AASS: variants seen among roughly 807,000 people sequenced by gnomAD.
The protein encoded by AASS is aminoadipate-semialdehyde synthase, also known as alpha-aminoadipic semialdehyde synthase, mitochondrial.
Under a neutral mutation model 105.4 loss-of-function variants are expected in AASS, and 86 were observed. That is an observed-to-expected ratio of 0.82 (90% CI 0.69 to 0.98). The LOEUF (loss-of-function observed/expected upper bound fraction) is 0.98, where lower values mean the gene tolerates loss of function less well. Ranked by LOEUF, AASS falls within the 50% of genes least tolerant of loss-of-function variation. The pLI is 0.00. For synonymous variants in AASS, 381 were observed against 394.8 expected, an observed-to-expected ratio of 0.96 and a Z score of 0.41; for missense variants, 1,048 against 1,143.2, an observed-to-expected ratio of 0.92 and a Z score of 1.20.
chr7:122,118,271 G>T (rs779685589), intron 6 of AASS, 36 bp downstream of exon 6: 2 of 1,611,482 alleles, frequency 1.2e-6, no homozygotes, highest in East Asian at 2.2e-5. Context: ...TCAAAGTTTT[G>T]GATTGTTTTA....
chr7:122,081,737 T>C (rs902824198), intron 19 of AASS, 142 bp from the exon 20 acceptor site: 12 of 647,322 alleles, frequency 1.9e-5, no homozygotes, highest in Non-Finnish European at 2.7e-5. Flanking sequence ...ACAGCTCTTC[T>C]AGAATTTGCC....
rs557403660 is a variant in AASS at position 122,092,244 on chromosome 7, G to A, written c.1876-401C>T. 9.4e-4 allele frequency among the ~76,000 whole-genome samples: 142 copies of A among 151,604 alleles called. 1 individual carries two copies. The highest frequency in any genetic ancestry group is 3.2e-3 in the African/African-American group (132 of 41,358). On this transcript the variant is annotated intron_variant, in intron 17 of 23. Coordinates refer to ENST00000417368, the MANE Select transcript of AASS (RefSeq NM_005763.4). ...TCCCATTTACACCCAATAGTACCTC[G>A]CCAAAGGTACTATTTCATAAAAGAT... is the stretch of plus-strand genomic sequence containing the variant.
intron 11 of AASS, among the ~76,000 whole-genome samples, chr7:122,103,871 GT>G (rs1392302390): frequency 6.6e-6 from 1 of 151,940 alleles, no homozygotes; most frequent in African/African-American, 2.4e-5. Flanking sequence ...CTGAATTTAA[GT>G]TGTTATTAGT....
intron 1 of AASS, among the ~76,000 whole-genome samples, chr7:122,137,961 A>T (rs1796229213): frequency 6.6e-6 from 1 of 152,138 alleles, no homozygotes; most frequent in South Asian, 2.1e-4. Flanking sequence ...GGAGGCAGAG[A>T]GGGGGAAAAA....
At chr7:122,114,335 C>T (rs564761309) in intron 9 of AASS, among the ~76,000 whole-genome samples, 1 of 152,300 alleles carries the variant, frequency 6.6e-6, no homozygotes, top group South Asian at 2.1e-4. Flanking sequence ...TTGCTGCGCC[C>T]AATGCTTCTG....
intron 8 of AASS, among the ~76,000 whole-genome samples, chr7:122,116,082 G>A (rs75366513): frequency 0.021 from 3,262 of 152,186 alleles, 126 homozygotes; most frequent in African/African-American, 0.074. Flanking sequence ...AATGACTATA[G>A]AGCACACAAA....
chr7:122,119,774 C>A (rs1245793266), intron 4 of AASS, among the ~76,000 whole-genome samples: 3 of 152,156 alleles, frequency 2.0e-5, no homozygotes, highest in East Asian at 1.9e-4. Context: ...CTTTCTCTCT[C>A]TATAGATTAA....
At chr7:122,133,136 C>T (rs1255020883) in intron 2 of AASS, among the ~76,000 whole-genome samples, 2 of 151,932 alleles carry the variant, frequency 1.3e-5, no homozygotes, top group Non-Finnish European at 2.9e-5. Context: ...ATGTATATTG[C>T]TAAAATAGGA....
At chr7:122,098,626 T>C (rs1794282040) in intron 14 of AASS, 50 bp from the exon 15 acceptor site, 1 of 1,586,228 alleles carries the variant, frequency 6.3e-7, no homozygotes, top group African/African-American at 1.4e-5. Flanking sequence ...GAGTAAAATA[T>C]ATTTTAACAT....
intron 22 of AASS, 81 bp from the exon 23 acceptor site, chr7:122,078,095 G>A (rs905214344): frequency 7.3e-7 from 1 of 1,378,444 alleles, no homozygotes; most frequent in South Asian, 1.2e-5. Flanking sequence ...TGCCCTTCTG[G>A]TCTTAAAAGT....
chr7:122,111,764 G>A lies in AASS; in HGVS notation c.1278+1354C>T, dbSNP rs895279805. On this transcript the variant is annotated intron_variant, in intron 11 of 23. Transcript: ENST00000417368. ...TAAAAACTACAAAAATTAGCCAGGC[G>A]TGGTGGCACACACCTGTGGTCCTGG... 7.2e-5 allele frequency among the ~76,000 whole-genome samples: 11 copies of A among 152,030 alleles called. 1 individual carries two copies. Among genetic ancestry groups the A allele is most frequent in the South Asian group, 6.2e-4 (3 of 4,814 alleles).
In AASS at chr7:122,074,397, C is replaced by T. The variant is rs1212231081; in HGVS notation, c.*2092G>A. Among the ~76,000 whole-genome samples the T allele has an allele frequency of 6.6e-6, 1 of 152,116 alleles. No individual in the cohort carries two copies. Among genetic ancestry groups the T allele is most frequent in the Non-Finnish European group, 1.5e-5 (1 of 68,014 alleles). On this transcript the variant is annotated 3_prime_UTR_variant, in exon 24 of 24. Transcript: ENST00000417368. ...ATACAAATTCCTCCCTTAACTAATA[C>T]ATGATTTTAAAAAAAATTATCTCAT...
At chr7:122,101,182 T>A (rs1271090188) in intron 13 of AASS, among the ~76,000 whole-genome samples, 189 bp downstream of exon 13, 1 of 151,900 alleles carries the variant, frequency 6.6e-6, no homozygotes, top group African/African-American at 2.4e-5. Context: ...ATACTACTGT[T>A]AAGTGGGAAA....
rs759258946 is a variant in AASS, at chr7:122,116,647, G to A, written c.880C>T (p.Arg294Cys). 3.1e-6 allele frequency: 5 copies of A among 1,613,932 alleles called. No homozygotes were observed. The highest frequency in any genetic ancestry group is 1.1e-5 in the South Asian group (1 of 91,054). Residue 294 changes from arginine to cysteine, a missense_variant, in exon 8 of 24, where the codon CGT (arginine) becomes TGT (cysteine). Transcript: ENST00000417368. Reference sequence around the variant, plus strand: ...ATGATACTCACATCAGTATTAAAACGACTTATGTAGCGCTCCGGATGTTTG... The same window carrying A: ...ATGATACTCACATCAGTATTAAAACAACTTATGTAGCGCTCCGGATGTTTG... ...YDKHPERYIS[R>C]FNTDIAPYTT...
intron 11 of AASS, among the ~76,000 whole-genome samples, chr7:122,108,620 C>T (rs1794781950): frequency 1.3e-5 from 2 of 151,988 alleles, no homozygotes; most frequent in Admixed American, 6.6e-5. Flanking sequence ...ACAAATTCAA[C>T]ATCACCTTAT....
chr7:122,114,227 A>T (rs1184513429), intron 9 of AASS, among the ~76,000 whole-genome samples: 1 of 152,318 alleles, frequency 6.6e-6, no homozygotes, highest in South Asian at 2.1e-4. Flanking sequence ...CTAGACTGAC[A>T]CATTCAGCAC....
intron 10 of AASS, 130 bp from the exon 11 acceptor site, chr7:122,113,359 TAAAC>T (rs755246068): frequency 8.9e-5 from 92 of 1,031,936 alleles, no homozygotes; most frequent in Non-Finnish European, 1.2e-4. Context: ...TACGCGAAAA[TAAAC>T]AAAACTTTTC....
At chr7:122,119,286 C>T (rs1299448530) in intron 4 of AASS, among the ~76,000 whole-genome samples, 2 of 152,154 alleles carry the variant, frequency 1.3e-5, no homozygotes, top group African/African-American at 4.8e-5. Flanking sequence ...GTCCTGGGCT[C>T]TATTTTCTTC....
chr7:122,142,385 C>G (rs905308191), intron 1 of AASS, among the ~76,000 whole-genome samples: 1 of 152,178 alleles, frequency 6.6e-6, no homozygotes, highest in Non-Finnish European at 1.5e-5. Context: ...CTCTGTCACA[C>G]TGTAGTAAGA....
Sources: allele counts gnomAD v4.1 joint callset (sites outside exome capture counted in the v4.1 genomes callset), GRCh38; gene constraint gnomAD v4.1.1; transcripts MANE v1.5; gene names NCBI Gene and HGNC (gene_info 2026-07-23, HGNC 2026-07-21).